ARHGEF10L: variants seen among roughly 807,000 people sequenced by gnomAD.
ARHGEF10L encodes Rho guanine nucleotide exchange factor 10 like.
A neutral mutation model predicts 141.2 loss-of-function variants in ARHGEF10L; 69 were observed. The observed-to-expected ratio is 0.49, with a 90% CI of 0.40 to 0.60. ARHGEF10L has a LOEUF of 0.60. Among genes scored for constraint, ARHGEF10L ranks in the 20% least tolerant of loss-of-function variants. ARHGEF10L has a pLI of 0.00. For synonymous variants in ARHGEF10L, 711 were observed against 718.5 expected (o/e 0.99, Z 0.17); for missense variants, 1,482 against 1,734.3 (o/e 0.85, Z 2.58).
At chr1:17,514,690 A>G in the ARHGEF10L span, among the ~76,000 whole-genome samples, 3 of 152,198 alleles carry the variant, frequency 2.0e-5, no homozygotes, top group Non-Finnish European at 4.4e-5. Flanking sequence ...ATTTAGAAAG[A>G]TGCTATTTTC....
At chr1:17,598,760 G>GCT (rs893761868) in intron 4 of ARHGEF10L, among the ~76,000 whole-genome samples, 12 of 151,350 alleles carry the variant, frequency 7.9e-5, no homozygotes, top group African/African-American at 2.9e-4. Flanking sequence ...GAGGGCTACT[G>GCT]CTCTCTCTCT....
At chr1:17,653,259 T>C (rs1310738680) in intron 22 of ARHGEF10L, among the ~76,000 whole-genome samples, 1 of 152,250 alleles carries the variant, frequency 6.6e-6, no homozygotes, top group African/African-American at 2.4e-5. Flanking sequence ...TACCTAAAGC[T>C]GCTTCCCTTC....
chr1:17,606,989 A>G (rs1557805612), intron 6 of ARHGEF10L, among the ~76,000 whole-genome samples: 1 of 152,182 alleles, frequency 6.6e-6, no homozygotes, highest in African/African-American at 2.4e-5. Context: ...CCGCAGGCTT[A>G]GGAAGGAAAG....
intron 9 of ARHGEF10L, among the ~76,000 whole-genome samples, chr1:17,617,380 G>T (rs150753689): frequency 2.0e-5 from 3 of 152,276 alleles, no homozygotes; most frequent in African/African-American, 7.2e-5. Context: ...GCCTACCCTT[G>T]CTCCTGGTCC....
intron 4 of ARHGEF10L, among the ~76,000 whole-genome samples, chr1:17,596,842 A>T (rs1028220951): frequency 1.3e-5 from 2 of 152,232 alleles, no homozygotes; most frequent in Non-Finnish European, 2.9e-5. Flanking sequence ...ACCTGAGGTC[A>T]GGAGTTCAAG....
chr1:17,610,040 C>G (rs1014668694), intron 7 of ARHGEF10L, among the ~76,000 whole-genome samples: 4 of 152,196 alleles, frequency 2.6e-5, no homozygotes, highest in Non-Finnish European at 5.9e-5. Flanking sequence ...CCATGTTGTC[C>G]CCGGCCCTCT....
chr1:17,623,196 T>C lies in ARHGEF10L; in HGVS notation c.1200+21T>C, dbSNP rs1355425844. On this transcript the variant is annotated intron_variant, in intron 12 of 28. Transcript: ENST00000361221. The surrounding 1 kb of genome is among the most constrained non-coding windows in gnomAD (Gnocchi z 4.7). ...CCTCGGTAAGTGTCCCCAAACTTTT[T>C]CCCCAGCCCACCAAGGTAAAACCAC... 5 of 1,607,286 alleles carry C rather than the reference T, an allele frequency of 3.1e-6. No homozygotes were observed. In the African/African-American group the frequency reaches 4.0e-5, roughly 13 times the overall value.
intron 16 of ARHGEF10L, among the ~76,000 whole-genome samples, chr1:17,633,704 G>A (rs908837828): frequency 8.5e-5 from 13 of 152,104 alleles, no homozygotes; most frequent in African/African-American, 1.4e-4. Context: ...TACCATCACC[G>A]AAATCCAGGA....
rs112210774 is a variant in ARHGEF10L, at chr1:17,603,305, G to A, written c.350-203G>A. Among the ~76,000 whole-genome samples, 38 of 123,808 alleles carry A rather than the reference G, an allele frequency of 3.1e-4. No individual in the cohort carries two copies. Among genetic ancestry groups the A allele is most frequent in the Admixed American group, 8.9e-4 (10 of 11,228 alleles). 81.2% of individuals were successfully genotyped at this position (123,808 alleles called of 152,430 possible). On this transcript the variant is annotated intron_variant, in intron 5 of 28. Transcript: ENST00000361221. The surrounding 1 kb of genome is among the most constrained non-coding windows in gnomAD (Gnocchi z 4.8). ...GGGTCTGTGCAGTCACTGGGAGGGC[G>A]CCTTGGAGGGGGTGGGGGGCGGGGA...
rs371829791 is a variant in ARHGEF10L at position 17,613,135 on chromosome 1, G to A, written c.687G>A (p.Gly229=). ...ACATCTTGGCTTTGAGAGTTGGGGGGAGAGACATGCAGGAGCTGAAGCACA... is the reference window on the plus strand; with the variant it reads ...ACATCTTGGCTTTGAGAGTTGGGGGAAGAGACATGCAGGAGCTGAAGCACA... ...KRDILALRVG[G]RDMQELKHKY... The change falls in exon 8 of 29, where the codon GGG becomes GGA. Residue 229 remains glycine, a synonymous_variant. Transcript: ENST00000361221. The A allele has an allele frequency of 6.2e-7, 1 of 1,613,814 alleles. No individual in the cohort carries two copies.
chr1:17,523,424 C>T, the ARHGEF10L span, among the ~76,000 whole-genome samples: 5 of 152,128 alleles, frequency 3.3e-5, no homozygotes, highest in Admixed American at 6.6e-5. Context: ...GGGCACCCAC[C>T]GTATACCAAG....
At chr1:17,537,884 GA>G (rs886400324), upstream of ARHGEF10L, among the ~76,000 whole-genome samples, 108 of 134,446 alleles carry the variant, frequency 8.0e-4, no homozygotes, top group East Asian at 0.015. Flanking sequence ...AGAAAGAAAA[GA>G]AAAAAAAAAT....
At chr1:17,609,772 A>C (rs1244440860) in intron 7 of ARHGEF10L, among the ~76,000 whole-genome samples, 2 of 152,174 alleles carry the variant, frequency 1.3e-5, no homozygotes, top group African/African-American at 2.4e-5. Context: ...AGGAGACAGG[A>C]CAGGTGATCC....
intron 18 of ARHGEF10L, among the ~76,000 whole-genome samples, chr1:17,635,649 C>A (rs1437471027): frequency 6.6e-6 from 1 of 152,214 alleles, no homozygotes; most frequent in Non-Finnish European, 1.5e-5. Context: ...TGCCCTCATG[C>A]TGGGCCAGGT....
rs1453027917 is a variant in ARHGEF10L at position 17,607,124 on chromosome 1, G to C, written c.434-678G>C. ...TCTGTTTCATTCCTGAGGATGCTGA[G>C]GGCCTGAGCCAGGACTTGGCTCCGG... On this transcript the variant is annotated intron_variant, in intron 6 of 28. Coordinates refer to ENST00000361221, the MANE Select transcript of ARHGEF10L (RefSeq NM_018125.4). This position sits in a 1 kb window ranked among gnomAD's most constrained non-coding sequence, Gnocchi z 4.5. Among the ~76,000 whole-genome samples the C allele has an allele frequency of 6.6e-6, 1 of 152,202 alleles. No individual in the cohort carries two copies. Among genetic ancestry groups the C allele is most frequent in the Non-Finnish European group, 1.5e-5 (1 of 68,030 alleles).
chr1:17,695,415 A>C, intron 28 of ARHGEF10L, 135 bp downstream of exon 28: 8 of 1,275,314 alleles, frequency 6.3e-6, no homozygotes, highest in Non-Finnish European at 8.3e-6. Context: ...CTCTCATCTC[A>C]GGTGGCATGG....
intron 26 of ARHGEF10L, among the ~76,000 whole-genome samples, chr1:17,684,616 G>A (rs958102580): frequency 6.6e-6 from 1 of 152,184 alleles, no homozygotes; most frequent in Non-Finnish European, 1.5e-5. Flanking sequence ...CTTCCTCTGA[G>A]CATGCCCAGC....
chr1:17,616,061 C>T (rs370003874), intron 8 of ARHGEF10L, 33 bp from the exon 9 acceptor site: 45 of 1,594,488 alleles, frequency 2.8e-5, no homozygotes, highest in Admixed American at 1.2e-4. Flanking sequence ...CCAGGCCGTC[C>T]CTTCCCTGAT....
At position 17,617,015 on chromosome 1, in the gene ARHGEF10L, G is replaced by A. The variant is rs544629397; in HGVS notation, c.835+813G>A. Among the ~76,000 whole-genome samples the A allele has an allele frequency of 7.0e-4, 107 of 152,266 alleles. 1 individual carries two copies. The highest frequency in any genetic ancestry group is 2.5e-3 in the African/African-American group (102 of 41,556). On this transcript the variant is annotated intron_variant, in intron 9 of 28. Transcript: ENST00000361221. ...GCGCACAGAACTCTCACATTCCCAC[G>A]CAGCAGATGAGGGAATAGGCACAGA...
Sources: allele counts gnomAD v4.1 joint callset (sites outside exome capture counted in the v4.1 genomes callset), GRCh38; gene constraint gnomAD v4.1.1; non-coding constraint Gnocchi (gnomAD v3.1); transcripts MANE v1.5; gene names NCBI Gene and HGNC (gene_info 2026-07-23, HGNC 2026-07-21).